Variants in PDE1C observed in about 807,000 individuals in gnomAD.
The protein encoded by PDE1C is phosphodiesterase 1C, also known as dual specificity calcium/calmodulin-dependent 3',5'-cyclic nucleotide phosphodiesterase 1C.
In PDE1C, 62 loss-of-function variants were observed where a neutral mutation model predicts 93.1. The ratio of observed to expected loss-of-function variants is 0.67; its 90% CI spans 0.54 to 0.82. PDE1C has a LOEUF of 0.82. PDE1C is among the 40% of genes least tolerant of loss of function. The pLI is 0.00. For synonymous variants in PDE1C, 325 were observed against 310.1 expected (o/e 1.05, Z -0.50); for missense variants, 742 against 884.6 (o/e 0.84, Z 2.04).
intron 10 of PDE1C, 27 bp from the exon 11 acceptor site, chr7:31,837,327 T>C (rs1791244641): frequency 6.3e-7 from 1 of 1,589,874 alleles, no homozygotes; most frequent in African/African-American, 1.3e-5. Context: ...CCCAAACACA[T>C]GATAACCACA....
intron 3 of PDE1C, among the ~76,000 whole-genome samples, chr7:32,085,840 G>GT (rs1253219560): frequency 3.4e-5 from 5 of 148,280 alleles, no homozygotes; most frequent in Non-Finnish European, 7.4e-5. Context: ...ATTAGGTATT[G>GT]ATGGGACGTA....
At chr7:31,814,062 G>A (rs1349648334) in intron 15 of PDE1C, among the ~76,000 whole-genome samples, 2 of 147,624 alleles carry the variant, frequency 1.4e-5, no homozygotes, top group Admixed American at 6.7e-5. Context: ...GTACACACAC[G>A]CACGCGTGCA....
chr7:31,848,384 A>T (rs1792890129), intron 8 of PDE1C, among the ~76,000 whole-genome samples: 1 of 152,162 alleles, frequency 6.6e-6, no homozygotes, highest in Admixed American at 6.6e-5. Flanking sequence ...TTAGTTGCAA[A>T]GGTGTTTTTT....
intron 3 of PDE1C, among the ~76,000 whole-genome samples, chr7:32,130,195 G>T (rs1238316508): frequency 6.6e-6 from 1 of 151,952 alleles, no homozygotes; most frequent in East Asian, 1.9e-4. Context: ...TATCCCTTTC[G>T]CATTCAAAAC....
At chr7:32,255,796 T>G (rs578164505) in intron 1 of PDE1C, among the ~76,000 whole-genome samples, 72 of 152,276 alleles carry the variant, frequency 4.7e-4, no homozygotes, top group African/African-American at 1.6e-3. Flanking sequence ...CATCCTGTGG[T>G]GTACCCAGAG....
chr7:32,310,067 A>C (rs960299580), intron 1 of PDE1C, among the ~76,000 whole-genome samples: 6 of 152,122 alleles, frequency 3.9e-5, no homozygotes, highest in African/African-American at 9.7e-5. Flanking sequence ...TCTACCAAGC[A>C]AATGGAAAAC....
At chr7:31,931,890 C>T (rs937943894) in intron 2 of PDE1C, among the ~76,000 whole-genome samples, 5 of 152,020 alleles carry the variant, frequency 3.3e-5, no homozygotes, top group South Asian at 4.1e-4. Flanking sequence ...TGGAACAGAA[C>T]GGAGGTCTCA....
At chr7:31,631,211 T>C in the PDE1C span, among the ~76,000 whole-genome samples, 1 of 152,094 alleles carries the variant, frequency 6.6e-6, no homozygotes, top group Non-Finnish European at 1.5e-5. Context: ...ACCTATCAAT[T>C]GTTTTTTACA....
At chr7:32,171,960 G>A (rs75624318) in intron 2 of PDE1C, among the ~76,000 whole-genome samples, 3,682 of 149,640 alleles carry the variant, frequency 0.025, 168 homozygotes, top group African/African-American at 0.085. Context: ...AGGAAACTGC[G>A]TGTAGGCCGT....
At chr7:31,898,819 T>TA (rs1799622411) in intron 2 of PDE1C, among the ~76,000 whole-genome samples, 1 of 152,172 alleles carries the variant, frequency 6.6e-6, no homozygotes, top group Non-Finnish European at 1.5e-5. Context: ...GCAATGGAAA[T>TA]ATATGTGCAA....
intron 3 of PDE1C, among the ~76,000 whole-genome samples, chr7:32,166,203 G>A (rs1016050968): frequency 1.3e-5 from 2 of 152,148 alleles, no homozygotes; most frequent in East Asian, 1.9e-4. Flanking sequence ...GGGGAGTTGG[G>A]TGGTGGGGGA....
At chr7:31,910,132 C>T (rs180894063) in intron 2 of PDE1C, among the ~76,000 whole-genome samples, 139 of 152,240 alleles carry the variant, frequency 9.1e-4, no homozygotes, top group Admixed American at 1.7e-3. Flanking sequence ...CCCAGGGTGA[C>T]TTCTACTGCA....
chr7:31,973,062 T>C (rs1811180347), intron 2 of PDE1C, among the ~76,000 whole-genome samples: 1 of 151,938 alleles, frequency 6.6e-6, no homozygotes, highest in Non-Finnish European at 1.5e-5. Context: ...GTACTAGATA[T>C]AAAGAAGAAC....
chr7:31,877,228 A>T (rs1796704998), intron 5 of PDE1C, among the ~76,000 whole-genome samples: 1 of 152,168 alleles, frequency 6.6e-6, no homozygotes, highest in African/African-American at 2.4e-5. Context: ...AAGTTTAGCA[A>T]ATCTCAAATA....
chr7:32,074,684 C>T (rs1796253953), upstream of PDE1C, among the ~76,000 whole-genome samples: 1 of 152,048 alleles, frequency 6.6e-6, no homozygotes, highest in Non-Finnish European at 1.5e-5. Flanking sequence ...ATTAGGAAGG[C>T]TTCATAGTGA....
At chr7:32,165,011 G>A (rs1454709073) in intron 3 of PDE1C, among the ~76,000 whole-genome samples, 1 of 152,180 alleles carries the variant, frequency 6.6e-6, no homozygotes, top group Non-Finnish European at 1.5e-5. Flanking sequence ...TCCCAGGAGT[G>A]TCTATTTTCC....
intron 2 of PDE1C, 77 bp from the exon 3 acceptor site, chr7:31,880,937 TAC>T: frequency 1.1e-6 from 1 of 910,130 alleles, no homozygotes; most frequent in Non-Finnish European, 1.8e-6. Flanking sequence ...TGATACATTT[TAC>T]AGTCATCGAA....
At position 32,424,399 on chromosome 7, in the gene PDE1C, C is replaced by T. The variant is rs111517134; in HGVS notation, c.310+3423G>A. 5.3e-3 allele frequency among the ~76,000 whole-genome samples: 800 copies of T among 152,350 alleles called. 10 individuals carry two copies. Among genetic ancestry groups the T allele is most frequent in the African/African-American group, 0.018 (761 of 41,580 alleles). ...CAAGGTGACAGTTTCTCTCTTAATA[C>T]TCTGACACCTCCCTTCCAGGACCAA... is the stretch of plus-strand genomic sequence containing the variant. On this transcript the variant is annotated intron_variant, in intron 1 of 1. Transcript: ENST00000672256.
intron 1 of PDE1C, among the ~76,000 whole-genome samples, chr7:32,392,004 A>T (rs1217613917): frequency 6.6e-6 from 1 of 152,056 alleles, no homozygotes; most frequent in African/African-American, 2.4e-5. Flanking sequence ...GAAATAGAAG[A>T]TAGAAAAGCA....
Sources: gnomAD v4.1 joint callset for allele counts (sites outside exome capture counted in the v4.1 genomes callset) on GRCh38, gnomAD v4.1.1 for gene constraint, MANE v1.5 for transcripts, NCBI Gene and HGNC (gene_info 2026-07-23, HGNC 2026-07-21) for gene names.